The following GPR137C variants were observed in gnomAD, a reference collection of about 807,000 sequenced individuals.
The protein encoded by GPR137C is integral membrane protein GPR137C.
GPR137C carries 27 observed loss-of-function variants against 43.4 expected under a neutral mutation model. The ratio of observed to expected loss-of-function variants is 0.62; its 90% confidence interval spans 0.46 to 0.86. GPR137C has a LOEUF of 0.86. Among genes scored for constraint, GPR137C ranks in the 40% least tolerant of loss-of-function variants. The pLI, the probability that GPR137C is intolerant of heterozygous loss-of-function variation, is 0.00. For missense variants in GPR137C, 522 were observed against 534.6 expected, an observed-to-expected ratio of 0.98 and a Z score of 0.23; for synonymous variants, 285 against 226.9, an observed-to-expected ratio of 1.26 and a Z score of -2.30.
intron 3 of GPR137C, chr14:52,612,649 A>T: frequency 3.0e-6 from 1 of 335,202 alleles, no homozygotes; most frequent in Non-Finnish European, 4.2e-6. Flanking sequence ...GTAACCTCAA[A>T]CTCCTGGGCT....
intron 1 of GPR137C, among the ~76,000 whole-genome samples, chr14:52,554,175 T>C (rs143532265): frequency 6.6e-6 from 1 of 152,348 alleles, no homozygotes; most frequent in Non-Finnish European, 1.5e-5. Flanking sequence ...TGATGATCAA[T>C]AACCAATGCT....
chr14:52,588,227 C>A (rs11627239), intron 1 of GPR137C, among the ~76,000 whole-genome samples: 1 of 152,142 alleles, frequency 6.6e-6, no homozygotes, highest in Non-Finnish European at 1.5e-5. Flanking sequence ...TCACTGCACC[C>A]TCTGCCTCCC....
chr14:52,619,041 G>A (rs1476498702), intron 3 of GPR137C, among the ~76,000 whole-genome samples: 1 of 152,076 alleles, frequency 6.6e-6, no homozygotes, highest in Non-Finnish European at 1.5e-5. Context: ...ACTCCCTCCT[G>A]TATTTCTAAC....
intron 1 of GPR137C, among the ~76,000 whole-genome samples, chr14:52,584,578 C>T (rs2038688618): frequency 6.6e-6 from 1 of 152,092 alleles, no homozygotes; most frequent in Admixed American, 6.6e-5. Flanking sequence ...GGCCTCCTGA[C>T]TCCCTTTTGT....
intron 1 of GPR137C, among the ~76,000 whole-genome samples, chr14:52,560,285 G>A (rs1169035597): frequency 6.6e-6 from 1 of 152,182 alleles, no homozygotes; most frequent in Non-Finnish European, 1.5e-5. Flanking sequence ...GCCTCAGTGA[G>A]TGGAAAAATA....
chr14:52,554,052 C>T lies in GPR137C; in HGVS notation c.444+461C>T, dbSNP rs555166305. Among the ~76,000 whole-genome samples, 21 of 152,310 alleles carry T rather than the reference C, an allele frequency of 1.4e-4. No homozygotes were observed. The South Asian group carries it at 4.1e-3, about 30-fold the overall frequency. The stretch of plus-strand genomic sequence containing the variant: ...TACGTCACCAGGCAGAGCTGTTCCT[C>T]TGCTATTGTTGCTGCGTTTCTTTTA... On this transcript the variant is annotated intron_variant, in intron 1 of 6. Transcript: ENST00000321662.
chr14:52,557,839 TG>T (rs2038217740), intron 1 of GPR137C, among the ~76,000 whole-genome samples: 1 of 152,248 alleles, frequency 6.6e-6, no homozygotes, highest in Admixed American at 6.5e-5. Flanking sequence ...TCAAGTAATT[TG>T]TTTCTATACC....
At chr14:52,577,015 C>G (rs903299943) in intron 1 of GPR137C, among the ~76,000 whole-genome samples, 1 of 150,172 alleles carries the variant, frequency 6.7e-6, no homozygotes, top group Non-Finnish European at 1.5e-5. Flanking sequence ...TATGGGGAAA[C>G]CCCATCTCTG....
chr14:52,586,120 A>G (rs17125577), intron 1 of GPR137C, among the ~76,000 whole-genome samples: 25,968 of 152,114 alleles, frequency 0.17, 2,437 homozygotes, highest in East Asian at 0.38. Flanking sequence ...CTATCCTGGA[A>G]TGTCCTCAGG....
intron 1 of GPR137C, among the ~76,000 whole-genome samples, chr14:52,595,456 A>C (rs770366263): frequency 1.3e-5 from 2 of 152,216 alleles, no homozygotes; most frequent in Admixed American, 6.5e-5. Flanking sequence ...CAGGTACAAC[A>C]ATCAAACATA....
At position 52,617,950 on chromosome 14, in the gene GPR137C, C is replaced by T. The variant is rs541600446; in HGVS notation, c.718-14210C>T. ...TATATTGCCTACCACTAAAAAATTG[C>T]TTATAAATGTTATTTATTATGGTAT... On this transcript the variant is annotated intron_variant, in intron 3 of 6. Transcript: ENST00000321662. 2.6e-5 allele frequency among the ~76,000 whole-genome samples: 4 copies of T among 152,188 alleles called. No individual in the cohort carries two copies. The South Asian group carries it at 6.2e-4, about 24-fold the overall frequency.
chr14:52,592,182 A>G (rs555499733), intron 1 of GPR137C, among the ~76,000 whole-genome samples: 16 of 152,064 alleles, frequency 1.1e-4, no homozygotes, highest in Non-Finnish European at 2.2e-4. Context: ...CCATTGGTCT[A>G]TATATCTGTT....
At position 52,554,671 on chromosome 14, in the gene GPR137C, C is replaced by T. The variant is rs57301267; in HGVS notation, c.444+1080C>T. On this transcript the variant is annotated intron_variant, in intron 1 of 6. Transcript: ENST00000321662. Reference sequence around the variant, plus strand: ...CCTATGCAGCTAATCCTCTCAAAGGCTTTTTTGGAGGTGATGGAATTAATG... The same window carrying T: ...CCTATGCAGCTAATCCTCTCAAAGGTTTTTTTGGAGGTGATGGAATTAATG... 6.8e-3 allele frequency among the ~76,000 whole-genome samples: 1,026 copies of T among 150,776 alleles called. 14 individuals carry two copies. The highest frequency in any genetic ancestry group is 0.024 in the African/African-American group (970 of 40,896).
chr14:52,634,828 T>C, intron 6 of GPR137C, 110 bp from the exon 7 acceptor site: 1 of 871,608 alleles, frequency 1.1e-6, no homozygotes, highest in Non-Finnish European at 1.8e-6. Context: ...TTTCAATGTA[T>C]TTGAGTGCTA....
intron 3 of GPR137C, among the ~76,000 whole-genome samples, chr14:52,621,051 T>C (rs2039155086): frequency 6.6e-6 from 1 of 151,922 alleles, no homozygotes; most frequent in Non-Finnish European, 1.5e-5. Context: ...TATAAATTTA[T>C]GTCTTTCAAG....
At chr14:52,599,634 A>C (rs1411022226) in intron 2 of GPR137C, among the ~76,000 whole-genome samples, 5 of 152,088 alleles carry the variant, frequency 3.3e-5, no homozygotes, top group African/African-American at 1.2e-4. Context: ...AGGTTTCTCC[A>C]TGTTGGCCAG....
chr14:52,583,126 T>C (rs917959245), intron 1 of GPR137C, among the ~76,000 whole-genome samples: 14 of 152,196 alleles, frequency 9.2e-5, no homozygotes, highest in Non-Finnish European at 5.9e-5. Flanking sequence ...ATACAGCCCA[T>C]CTGACTTAAA....
At position 52,633,819 on chromosome 14, in the gene GPR137C, T is replaced by A; in HGVS notation, c.994-9T>A. 6.3e-7 allele frequency: 1 copy of A among 1,592,874 alleles called. No individual in the cohort carries two copies. The highest frequency in any genetic ancestry group is 8.6e-7 in the Non-Finnish European group (1 of 1,161,258). ...AACCTTCATATGCTATCTAATACTT[T>A]GTTCACAGGCACCTGCTGGCATGAT... On this transcript the variant is annotated splice_polypyrimidine_tract_variant and intron_variant, in intron 5 of 6. Transcript: ENST00000321662.
At chr14:52,604,739 C>T (rs143864033) in intron 3 of GPR137C, among the ~76,000 whole-genome samples, 10 of 152,244 alleles carry the variant, frequency 6.6e-5, no homozygotes, top group South Asian at 2.1e-4. Context: ...TGAGCCATCG[C>T]GCACAGCCAA....
Sources: allele counts gnomAD v4.1 joint callset (sites outside exome capture counted in the v4.1 genomes callset), GRCh38; gene constraint gnomAD v4.1.1; transcripts MANE v1.5; gene names NCBI Gene and HGNC (gene_info 2026-07-23, HGNC 2026-07-21).